The following TRIM2 variants were observed in gnomAD, a reference collection of about 807,000 sequenced individuals.
TRIM2 encodes the protein tripartite motif containing 2.
A neutral mutation model predicts 75.2 loss-of-function variants in TRIM2; 20 were observed. The ratio of observed to expected loss-of-function variants is 0.27; its 90% CI spans 0.19 to 0.39. The LOEUF (loss-of-function observed/expected upper bound fraction) is 0.39, where lower values mean the gene tolerates loss of function less well. TRIM2 is among the 10% of genes least tolerant of loss of function. The pLI, the probability that TRIM2 is intolerant of heterozygous loss-of-function variation, is 1.00. For synonymous variants in TRIM2, 373 were observed against 388.3 expected, an observed-to-expected ratio of 0.96 and a Z score of 0.46; for missense variants, 660 against 990.8, an observed-to-expected ratio of 0.67 and a Z score of 4.48.
At chr4:153,164,180 C>T (rs780348881) in intron 1 of TRIM2, among the ~76,000 whole-genome samples, 6 of 151,962 alleles carry the variant, frequency 3.9e-5, no homozygotes, top group Non-Finnish European at 8.8e-5. Context: ...CCTCTGTCAC[C>T]CAAGCTGAAG....
intron 1 of TRIM2, among the ~76,000 whole-genome samples, chr4:153,164,847 T>C (rs997480600): frequency 6.6e-6 from 1 of 152,244 alleles, no homozygotes; most frequent in African/African-American, 2.4e-5. Flanking sequence ...ACTAGGACCA[T>C]GTAAATATTG....
At chr4:153,282,926 C>T (rs1043223376) in intron 3 of TRIM2, among the ~76,000 whole-genome samples, 8 of 151,036 alleles carry the variant, frequency 5.3e-5, no homozygotes, top group Non-Finnish European at 1.0e-4. Context: ...GTAACTGGGA[C>T]TATAGGCGCA....
intron 8 of TRIM2, among the ~76,000 whole-genome samples, chr4:153,316,877 T>TTTTTTTG (rs1767728172): frequency 8.7e-6 from 1 of 115,062 alleles, no homozygotes; most frequent in Admixed American, 8.9e-5. Context: ...TTATGCCTTT[T>TTTTTTTG]TTTTTTTTTT....
At chr4:153,236,420 CT>C (rs1215448312) in intron 1 of TRIM2, among the ~76,000 whole-genome samples, 1 of 152,100 alleles carries the variant, frequency 6.6e-6, no homozygotes, top group Non-Finnish European at 1.5e-5. Context: ...CATGCTGGCT[CT>C]TTCTGTTTAG....
rs70949644 is a variant in TRIM2 at position 153,163,495 on chromosome 4, C to CTTTTT, written c.-49+10245_-49+10249dup. On this transcript the variant is annotated intron_variant, in intron 1 of 11. Transcript: ENST00000437508. ...CACTGCACCCAACCTAGATTTACATCTTTTTTTTTTTTTTTTTTTTTTTTG... is the reference window on the plus strand; with the variant it reads ...CACTGCACCCAACCTAGATTTACATCTTTTTTTTTTTTTTTTTTTTTTTTTTTTTG... Among the ~76,000 whole-genome samples the CTTTTT allele has an allele frequency of 7.0e-4, 69 of 98,666 alleles. 1 individual carries two copies. The highest frequency in any genetic ancestry group is 9.1e-4 in the Non-Finnish European group (49 of 53,676). The allele number at this position is 98,666 out of a possible 152,430, so 64.7% of individuals were successfully genotyped here. A position where few individuals can be genotyped will look rare whatever the true frequency, so the allele number is the denominator to read the frequency against.
intron 6 of TRIM2, among the ~76,000 whole-genome samples, chr4:153,312,216 T>C (rs1487542579): frequency 6.6e-6 from 1 of 151,774 alleles, no homozygotes; most frequent in Non-Finnish European, 1.5e-5. Flanking sequence ...TTTCCAATTT[T>C]ATCCATGTCC....
intron 3 of TRIM2, among the ~76,000 whole-genome samples, chr4:153,288,051 A>G (rs1358481123): frequency 6.6e-6 from 1 of 152,164 alleles, no homozygotes; most frequent in Non-Finnish European, 1.5e-5. Context: ...ATAAAAAATT[A>G]TTAGTTGTCA....
At chr4:153,314,951 G>A (rs1166166732) in intron 6 of TRIM2, among the ~76,000 whole-genome samples, 2 of 152,136 alleles carry the variant, frequency 1.3e-5, no homozygotes, top group Non-Finnish European at 2.9e-5. Flanking sequence ...CCTTTGCCAG[G>A]TTTCCCTCTC....
chr4:153,175,148 C>T (rs2149622321), intron 1 of TRIM2, among the ~76,000 whole-genome samples: 1 of 152,248 alleles, frequency 6.6e-6, no homozygotes, highest in East Asian at 1.9e-4. Flanking sequence ...TCCCAAGTCA[C>T]TGGAATTACA....
chr4:153,155,312 C>G (rs1729128758), intron 1 of TRIM2, among the ~76,000 whole-genome samples: 1 of 152,086 alleles, frequency 6.6e-6, no homozygotes, highest in African/African-American at 2.4e-5. Context: ...TATGACATAT[C>G]AAAACTAGAA....
chr4:153,201,097 G>A (rs935947484), upstream of TRIM2, among the ~76,000 whole-genome samples: 2 of 152,050 alleles, frequency 1.3e-5, no homozygotes, highest in Admixed American at 1.3e-4. Context: ...CCGAGTAGCT[G>A]GGATTACAGG....
chr4:153,300,312 G>A (rs72729627), intron 6 of TRIM2, among the ~76,000 whole-genome samples: 9,643 of 151,716 alleles, frequency 0.064, 410 homozygotes, highest in Middle Eastern at 0.13. Flanking sequence ...GTACAATGGC[G>A]AGATCATGGC....
chr4:153,209,466 A>G (rs141260881), intron 1 of TRIM2, among the ~76,000 whole-genome samples: 3 of 152,090 alleles, frequency 2.0e-5, no homozygotes, highest in Admixed American at 2.0e-4. Flanking sequence ...CCCTTATCAC[A>G]CCTCCAGTCC....
intron 11 of TRIM2, among the ~76,000 whole-genome samples, chr4:153,329,750 T>A (rs1771042937): frequency 1.3e-5 from 2 of 151,300 alleles, no homozygotes; most frequent in Admixed American, 1.3e-4. Context: ...AGCAGGAGAA[T>A]CGCTTGAACC....
intron 1 of TRIM2, among the ~76,000 whole-genome samples, chr4:153,229,977 G>A (rs929211855): frequency 1.3e-5 from 2 of 152,196 alleles, no homozygotes; most frequent in Non-Finnish European, 2.9e-5. Context: ...TATTCAGCCA[G>A]TTCATTCAGC....
At chr4:153,331,590 AAC>A (rs1248116758) in intron 11 of TRIM2, among the ~76,000 whole-genome samples, 3 of 151,508 alleles carry the variant, frequency 2.0e-5, no homozygotes, top group African/African-American at 7.2e-5. Context: ...ATACAGGTTT[AAC>A]ACAAAATCTC....
intron 10 of TRIM2, among the ~76,000 whole-genome samples, chr4:153,328,215 A>C (rs1406788524): frequency 6.6e-6 from 1 of 152,238 alleles, no homozygotes; most frequent in Non-Finnish European, 1.5e-5. Context: ...ATATTATTGA[A>C]AATTATAGCA....
chr4:153,169,065 C>G (rs560176095), intron 1 of TRIM2, among the ~76,000 whole-genome samples: 2 of 150,084 alleles, frequency 1.3e-5, no homozygotes, highest in Non-Finnish European at 3.0e-5. Context: ...GATGACAGAG[C>G]GAGACTTATC....
chr4:153,199,839 T>C (rs888545838), upstream of TRIM2, among the ~76,000 whole-genome samples: 3 of 152,004 alleles, frequency 2.0e-5, no homozygotes, highest in East Asian at 5.8e-4. Context: ...AGTGGTACCA[T>C]CATAGGTCAT....
Sources: allele counts gnomAD v4.1 joint callset (sites outside exome capture counted in the v4.1 genomes callset), GRCh38; gene constraint gnomAD v4.1.1; transcripts MANE v1.5; gene names NCBI Gene and HGNC (gene_info 2026-07-23, HGNC 2026-07-21).